KANSL1: variants seen among roughly 807,000 people sequenced by gnomAD.
KANSL1 encodes KAT8 regulatory NSL complex subunit 1.
A neutral mutation model predicts 103.6 loss-of-function variants in KANSL1; 22 were observed. The ratio of observed to expected loss-of-function variants is 0.21; its 90% CI spans 0.15 to 0.30. The LOEUF is 0.30. KANSL1 is among the 10% of genes least tolerant of loss of function. The pLI is 1.00. For synonymous variants in KANSL1, 600 were observed against 527.6 expected, an observed-to-expected ratio of 1.14 and a Z score of -1.88; for missense variants, 1,337 against 1,399.8, an observed-to-expected ratio of 0.96 and a Z score of 0.72.
At chr17:46,077,941 TTC>T (rs1028859115) in intron 4 of KANSL1, among the ~76,000 whole-genome samples, 2 of 152,324 alleles carry the variant, frequency 1.3e-5, no homozygotes, top group East Asian at 1.9e-4. Context: ...ATCTTTTTTT[TTC>T]TTTTTCCTCA....
chr17:46,137,623 C>G (rs2044214497), intron 2 of KANSL1, among the ~76,000 whole-genome samples: 1 of 152,142 alleles, frequency 6.6e-6, no homozygotes, highest in Non-Finnish European at 1.5e-5. Context: ...TGCCTGTAAT[C>G]CCAGCACTTT....
chr17:46,162,656 G>A (rs763911310), intron 2 of KANSL1, among the ~76,000 whole-genome samples: 2 of 152,192 alleles, frequency 1.3e-5, no homozygotes, highest in Non-Finnish European at 2.9e-5. Context: ...GCCAAAGGCT[G>A]AGTCCACCAT....
intron 2 of KANSL1, among the ~76,000 whole-genome samples, chr17:46,144,311 A>G (rs917894938): frequency 2.0e-5 from 3 of 152,254 alleles, no homozygotes; most frequent in Non-Finnish European, 4.4e-5. Context: ...CTAATTTAAA[A>G]TAGAAAAAGA....
chr17:46,196,263 ACAC>A (rs1377247993), upstream of KANSL1: 3 of 443,088 alleles, frequency 6.8e-6, no homozygotes, highest in Non-Finnish European at 1.3e-5. Flanking sequence ...AAAAATAAAA[ACAC>A]CAACATATTT....
chr17:46,132,870 G>C (rs1597751163), intron 2 of KANSL1, among the ~76,000 whole-genome samples: 2 of 152,214 alleles, frequency 1.3e-5, no homozygotes, highest in South Asian at 4.1e-4. Context: ...TTGAGCCTGG[G>C]AGGTCGAGGC....
intron 2 of KANSL1, among the ~76,000 whole-genome samples, chr17:46,132,521 C>T (rs954186858): frequency 2.0e-5 from 3 of 152,212 alleles, no homozygotes; most frequent in Admixed American, 2.0e-4. Flanking sequence ...TAGGGCTCCA[C>T]TCCAGACCCA....
intron 3 of KANSL1, among the ~76,000 whole-genome samples, chr17:46,085,539 G>A (rs1487696260): frequency 6.6e-6 from 1 of 152,174 alleles, no homozygotes; most frequent in Non-Finnish European, 1.5e-5. Context: ...ACCTGTGCTG[G>A]AGTGCAGTGG....
At chr17:46,205,454 G>A (rs1312090184) in intron 1 of KANSL1, among the ~76,000 whole-genome samples, 1 of 152,008 alleles carries the variant, frequency 6.6e-6, no homozygotes, top group Non-Finnish European at 1.5e-5. Flanking sequence ...GGCCGAGGCA[G>A]GCGGATCACT....
chr17:46,145,240 C>T (rs2044637994), intron 2 of KANSL1, among the ~76,000 whole-genome samples: 2 of 152,222 alleles, frequency 1.3e-5, no homozygotes, highest in African/African-American at 2.4e-5. Flanking sequence ...CTTTAAAGTC[C>T]ATGTTCAACC....
In KANSL1 at chr17:46,067,556, T is replaced by C. The variant is rs2078425392; in HGVS notation, c.1645A>G (p.Ile549Val). The C allele has an allele frequency of 5.1e-6, 8 of 1,579,582 alleles. No homozygotes were observed. Among genetic ancestry groups the C allele is most frequent in the Admixed American group, 1.7e-5 (1 of 59,934 alleles). ...CGALRPVNGV[I>V]NTLQPVLADH... ...AGAAGAGCTAAAACTTACGTGTTAA[T>C]AACTCCATTGACAGGTCTGAGTGCT... is the stretch of plus-strand genomic sequence containing the variant. Residue 549 changes from isoleucine (I) to valine (V), a missense_variant, in exon 5 of 15, where the codon ATT (isoleucine) becomes GTT (valine). Coordinates refer to ENST00000432791, the MANE Select transcript of KANSL1 (RefSeq NM_015443.4).
chr17:46,154,710 T>C (rs1025613516), intron 2 of KANSL1, among the ~76,000 whole-genome samples: 13 of 152,344 alleles, frequency 8.5e-5, no homozygotes, highest in South Asian at 2.1e-4. Context: ...GAAAAGGATA[T>C]TGTATGCTTT....
At chr17:46,166,825 T>C (rs1487692053) in intron 2 of KANSL1, among the ~76,000 whole-genome samples, 2 of 152,142 alleles carry the variant, frequency 1.3e-5, no homozygotes, top group Non-Finnish European at 2.9e-5. Context: ...AAAAACAGAC[T>C]AAAAGCTTAG....
intron 1 of KANSL1, among the ~76,000 whole-genome samples, chr17:46,181,190 T>C (rs1195748530): frequency 6.6e-6 from 1 of 152,222 alleles, no homozygotes; most frequent in Non-Finnish European, 1.5e-5. Flanking sequence ...TTATAAAGAA[T>C]GGAAAGAAAG....
chr17:46,172,249 A>G lies in KANSL1; in HGVS notation c.-89-17T>C, dbSNP rs1051577933. 28 of 1,097,164 alleles carry G rather than the reference A, an allele frequency of 2.6e-5. No individual in the cohort carries two copies. The highest frequency in any genetic ancestry group is 5.8e-5 in the Admixed American group (2 of 34,744). The allele number at this position is 1,097,164 out of a possible 1,614,324, so 68.0% of individuals were successfully genotyped here. ...GAGAACAGACTAGAAGAGAAAGGAG[A>G]AAAGAATATTAGAAATACAAGCACT... On this transcript the variant is annotated splice_polypyrimidine_tract_variant and intron_variant, in intron 1 of 14. Coordinates refer to ENST00000432791, the MANE Select transcript of KANSL1 (RefSeq NM_015443.4).
chr17:46,056,245 C>T (rs1346295906), intron 6 of KANSL1, among the ~76,000 whole-genome samples: 2 of 152,198 alleles, frequency 1.3e-5, no homozygotes, highest in African/African-American at 4.8e-5. Flanking sequence ...GTAATCCACC[C>T]ACCTTGGCCT....
chr17:46,159,133 T>C (rs976113571), intron 2 of KANSL1, among the ~76,000 whole-genome samples: 4 of 152,188 alleles, frequency 2.6e-5, no homozygotes, highest in South Asian at 2.1e-4. Context: ...CTGCATGCAA[T>C]GCAGGCTACA....
At chr17:46,096,311 C>CTTTTTTTTTTTTTTTTTTTTGTTTTTTT (rs2042071541) in intron 2 of KANSL1, among the ~76,000 whole-genome samples, 1 of 76,408 alleles carries the variant, frequency 1.3e-5, no homozygotes, top group African/African-American at 5.6e-5. Context: ...GCTTTTTTTT[C>CTTTTTTTTTTTTTTTTTTTTGTTTTTTT]TTTTTTTTTT....
At chr17:46,097,261 T>C (rs1472419176) in intron 2 of KANSL1, among the ~76,000 whole-genome samples, 3 of 152,172 alleles carry the variant, frequency 2.0e-5, no homozygotes, top group Non-Finnish European at 4.4e-5. Context: ...ATGAAACAAC[T>C]ACAAAAAAAC....
chr17:46,102,517 T>C (rs1463901678), intron 2 of KANSL1, among the ~76,000 whole-genome samples: 1 of 152,214 alleles, frequency 6.6e-6, no homozygotes. Flanking sequence ...CCCAAAGTGC[T>C]GCAGTTACAG....
Sources: allele counts gnomAD v4.1 joint callset (sites outside exome capture counted in the v4.1 genomes callset), GRCh38; gene constraint gnomAD v4.1.1; transcripts MANE v1.5; gene names NCBI Gene and HGNC (gene_info 2026-07-23, HGNC 2026-07-21).